Variants in DGLUCY observed in about 807,000 individuals in gnomAD.
DGLUCY encodes the protein D-glutamate cyclase.
In DGLUCY, 58 loss-of-function variants were observed where a neutral mutation model predicts 58.5. That is an observed-to-expected ratio of 0.99 (90% CI 0.80 to 1.23). DGLUCY has a LOEUF of 1.23. Ranked by LOEUF, DGLUCY falls within the 50% of genes most tolerant of loss-of-function variation. DGLUCY has a pLI of 0.00. For synonymous variants in DGLUCY, 325 were observed against 314.1 expected (o/e 1.03, Z -0.37); for missense variants, 779 against 784.7 (o/e 0.99, Z 0.09).
At chr14:91,074,165 A>ACACACACACACACACACAT (rs1555388292) in intron 1 of DGLUCY, among the ~76,000 whole-genome samples, 4 of 144,178 alleles carry the variant, frequency 2.8e-5, no homozygotes, top group African/African-American at 7.8e-5. Flanking sequence ...ACACACAGTC[A>ACACACACACACACACACAT]AGCACCTGTA....
chr14:91,072,049 G>A (rs1442323914), intron 1 of DGLUCY, among the ~76,000 whole-genome samples: 3 of 152,016 alleles, frequency 2.0e-5, no homozygotes, highest in East Asian at 3.9e-4. Flanking sequence ...CCAGCCAGGC[G>A]TTGGGGCTCA....
At chr14:91,079,104 A>G (rs545432013) in intron 1 of DGLUCY, among the ~76,000 whole-genome samples, 7 of 151,778 alleles carry the variant, frequency 4.6e-5, no homozygotes, top group African/African-American at 7.2e-5. Flanking sequence ...GTGTTTCACC[A>G]TATTGGCCAG....
At chr14:91,203,530 C>T (rs910367245) in intron 11 of DGLUCY, among the ~76,000 whole-genome samples, 1 of 152,196 alleles carries the variant, frequency 6.6e-6, no homozygotes, top group African/African-American at 2.4e-5. Flanking sequence ...ATTGAGACAG[C>T]TGTAACCCTC....
intron 2 of DGLUCY, among the ~76,000 whole-genome samples, chr14:91,159,838 T>C (rs1277989173): frequency 6.6e-6 from 1 of 152,190 alleles, no homozygotes; most frequent in Admixed American, 6.5e-5. Flanking sequence ...GCATAGGCTG[T>C]GATGGGTGCT....
In DGLUCY at chr14:91,164,947, C is replaced by T. The variant is rs148472633; in HGVS notation, c.104-2278C>T. ...GCAGGGTGGTGAGTTCCCCCAGGCC[C>T]TGGGTGAGTCCAGAAGAGCCGTCTG... is the stretch of plus-strand genomic sequence containing the variant. On this transcript the variant is annotated intron_variant, in intron 3 of 13. Coordinates refer to ENST00000256324, the MANE Select transcript of DGLUCY (RefSeq NM_001102368.3). 4.7e-4 allele frequency among the ~76,000 whole-genome samples: 72 copies of T among 152,312 alleles called. No homozygotes were observed. In the East Asian group the frequency reaches 0.013, roughly 28 times the overall value.
intron 6 of DGLUCY, among the ~76,000 whole-genome samples, chr14:91,175,522 C>T (rs769510261): frequency 6.6e-6 from 1 of 152,114 alleles, no homozygotes; most frequent in Non-Finnish European, 1.5e-5. Context: ...CCCAGCACAT[C>T]CATCTTTGCT....
upstream of DGLUCY, among the ~76,000 whole-genome samples, chr14:91,110,653 A>T (rs1400286296): frequency 6.6e-6 from 1 of 151,202 alleles, no homozygotes; most frequent in Admixed American, 6.6e-5. Flanking sequence ...CTGGTCTCGA[A>T]CTCCTGATCT....
exon 1 of DGLUCY, chr14:91,060,655 C>A: frequency 2.1e-6 from 1 of 484,538 alleles, no homozygotes; most frequent in Non-Finnish European, 3.2e-6. Flanking sequence ...ACCAAACCGC[C>A]CCCTGCTCCA....
intron 1 of DGLUCY, among the ~76,000 whole-genome samples, chr14:91,148,239 C>T (rs2047117560): frequency 6.6e-6 from 1 of 151,636 alleles, no homozygotes; most frequent in Non-Finnish European, 1.5e-5. Flanking sequence ...GGATCTCTCT[C>T]CATCACCCAG....
chr14:91,159,492 C>T (rs1489299956), intron 2 of DGLUCY, among the ~76,000 whole-genome samples: 1 of 152,148 alleles, frequency 6.6e-6, no homozygotes, highest in Non-Finnish European at 1.5e-5. Context: ...TTACAGGATT[C>T]CTTTCTGAGC....
rs869086228 is a variant in DGLUCY, at chr14:91,169,407, CTT to C, written c.258-582_258-581del. Among the ~76,000 whole-genome samples, 1,071 of 140,526 alleles carry C rather than the reference CTT, an allele frequency of 7.6e-3. 8 individuals carry two copies. The highest frequency in any genetic ancestry group is 0.012 in the Non-Finnish European group (757 of 64,498). The allele number at this position is 140,526 out of a possible 152,430, so 92.2% of individuals were successfully genotyped here. ...GCCACCATTTACTTTTCTTCTTCTT[CTT>C]TTTTTTTTTTTTTCTTTGAGGCAGT... On this transcript the variant is annotated intron_variant, in intron 4 of 13. Transcript: ENST00000256324.
At chr14:91,061,801 T>C (rs2043694486) in intron 1 of DGLUCY, among the ~76,000 whole-genome samples, 1 of 152,206 alleles carries the variant, frequency 6.6e-6, no homozygotes, top group African/African-American at 2.4e-5. Context: ...GATGCTGTGC[T>C]GAAGAGTGCA....
intron 1 of DGLUCY, among the ~76,000 whole-genome samples, chr14:91,122,743 G>A (rs1202446116): frequency 6.6e-6 from 1 of 151,222 alleles, no homozygotes; most frequent in Non-Finnish European, 1.5e-5. Context: ...GGAGTAGCTG[G>A]GACTGTAGGC....
chr14:91,119,094 A>G (rs1339413293), intron 1 of DGLUCY, among the ~76,000 whole-genome samples: 2 of 152,192 alleles, frequency 1.3e-5, no homozygotes, highest in African/African-American at 2.4e-5. Context: ...CATTTGCTCA[A>G]AAAGGGTAGA....
At chr14:91,065,064 T>C (rs1211650838) in intron 1 of DGLUCY, among the ~76,000 whole-genome samples, 1 of 152,158 alleles carries the variant, frequency 6.6e-6, no homozygotes, top group African/African-American at 2.4e-5. Context: ...TATGATCACT[T>C]AAATGTGCAC....
At chr14:91,216,081 AG>A in intron 13 of DGLUCY, 1 of 228,676 alleles carries the variant, frequency 4.4e-6, no homozygotes, top group South Asian at 6.2e-5. Flanking sequence ...AAGTAGAAGG[AG>A]AGGAATCCCA....
chr14:91,099,586 T>G (rs142235116), intron 1 of DGLUCY, among the ~76,000 whole-genome samples: 1 of 151,918 alleles, frequency 6.6e-6, no homozygotes, highest in Non-Finnish European at 1.5e-5. Context: ...CTTTTTTTCT[T>G]AGAGATTCTG....
intron 9 of DGLUCY, among the ~76,000 whole-genome samples, chr14:91,193,306 T>C (rs2050015576): frequency 6.6e-6 from 1 of 152,148 alleles, no homozygotes; most frequent in South Asian, 2.1e-4. Flanking sequence ...TATTTTCAGC[T>C]GCCCCCTTCC....
At chr14:91,204,937 C>T in intron 12 of DGLUCY, 112 bp downstream of exon 12, 2 of 1,448,990 alleles carry the variant, frequency 1.4e-6, no homozygotes, top group Admixed American at 1.9e-5. Flanking sequence ...CATAGGGCAC[C>T]AGGGCAGGGA....
Sources: allele counts gnomAD v4.1 joint callset (sites outside exome capture counted in the v4.1 genomes callset), GRCh38; gene constraint gnomAD v4.1.1; transcripts MANE v1.5; gene names NCBI Gene and HGNC (gene_info 2026-07-23, HGNC 2026-07-21).